The following ARMH4 variants were observed in gnomAD, a reference collection of about 807,000 sequenced individuals.
ARMH4 encodes the protein armadillo-like helical domain-containing protein 4.
ARMH4 carries 49 observed loss-of-function variants against 61.9 expected under a neutral mutation model. That is an observed-to-expected ratio of 0.79 (90% CI 0.63 to 1.00). ARMH4 has a LOEUF of 1.00. Among genes scored for constraint, ARMH4 ranks in the 50% least tolerant of loss-of-function variants. The pLI, the probability that ARMH4 is intolerant of heterozygous loss-of-function variation, is 0.00. For missense variants in ARMH4, 934 were observed against 930.0 expected, an observed-to-expected ratio of 1.00 and a Z score of -0.06; for synonymous variants, 368 against 341.5, an observed-to-expected ratio of 1.08 and a Z score of -0.85.
In ARMH4 at chr14:58,138,868, A is replaced by G. The variant is rs1219047081; in HGVS notation, c.491T>C (p.Leu164Pro). 1.2e-6 allele frequency: 2 copies of G among 1,614,086 alleles called. No homozygotes were observed. Among genetic ancestry groups the G allele is most frequent in the Non-Finnish European group, 1.7e-6 (2 of 1,180,040 alleles). The change falls in exon 2 of 8, where the codon CTT (leucine) becomes CCT (proline). Residue 164 changes from leucine to proline, a missense_variant. Leu to Pro is a moderately conservative substitution (Grantham distance 98, BLOSUM62 -3). Coordinates refer to ENST00000267485, the MANE Select transcript of ARMH4 (RefSeq NM_001001872.4). ...SLTVDEKEEL[L>P]TSTNFQPIVE... ...AATGGGCTGAAAGTTAGTGCTTGTA[A>G]GGAGTTCCTCCTTTTCATCAACAGT...
intron 5 of ARMH4, among the ~76,000 whole-genome samples, chr14:58,090,486 A>C (rs1885519465): frequency 6.6e-6 from 1 of 152,060 alleles, no homozygotes. Flanking sequence ...TCTCCTTGCC[A>C]ACAATTGTTC....
At chr14:58,150,071 C>A (rs1006973354) in intron 1 of ARMH4, among the ~76,000 whole-genome samples, 2 of 152,216 alleles carry the variant, frequency 1.3e-5, no homozygotes, top group African/African-American at 4.8e-5. Context: ...TCTTGATCAA[C>A]AAACTCTTCT....
intron 5 of ARMH4, among the ~76,000 whole-genome samples, chr14:58,040,712 T>C (rs1285087125): frequency 6.6e-6 from 1 of 152,196 alleles, no homozygotes; most frequent in Non-Finnish European, 1.5e-5. Flanking sequence ...ATAAGCACCC[T>C]AAATTGAAAC....
At chr14:58,018,176 G>T (rs1164063153) in intron 5 of ARMH4, among the ~76,000 whole-genome samples, 1 of 152,052 alleles carries the variant, frequency 6.6e-6, no homozygotes, top group Admixed American at 6.5e-5. Flanking sequence ...TCTACTAGAA[G>T]ATAATAAAGG....
chr14:58,006,875 G>A (rs539330663), intron 6 of ARMH4, among the ~76,000 whole-genome samples: 247 of 152,080 alleles, frequency 1.6e-3, no homozygotes, highest in African/African-American at 5.4e-3. Context: ...AAACCTGCAC[G>A]TTGTGCACCT....
At chr14:58,099,080 C>T (rs534395389) in intron 4 of ARMH4, among the ~76,000 whole-genome samples, 28 of 152,164 alleles carry the variant, frequency 1.8e-4, no homozygotes, top group African/African-American at 6.3e-4. Context: ...TGACTGAAAA[C>T]GGGATCTAAA....
intron 5 of ARMH4, among the ~76,000 whole-genome samples, chr14:58,079,125 G>A (rs991610406): frequency 6.6e-6 from 1 of 152,192 alleles, no homozygotes; most frequent in African/African-American, 2.4e-5. Context: ...GAGGAATAAT[G>A]ATAACTACTT....
At chr14:58,102,124 C>G (rs1594757765) in intron 4 of ARMH4, among the ~76,000 whole-genome samples, 1 of 152,150 alleles carries the variant, frequency 6.6e-6, no homozygotes, top group Admixed American at 6.5e-5. Context: ...AGCAGGAGAC[C>G]AGCTCTGCAC....
intron 6 of ARMH4, among the ~76,000 whole-genome samples, chr14:58,007,412 A>T (rs1027330198): frequency 6.6e-6 from 1 of 152,220 alleles, no homozygotes; most frequent in African/African-American, 2.4e-5. Context: ...GTTTTAAAGT[A>T]TACTTTCATT....
intron 5 of ARMH4, among the ~76,000 whole-genome samples, chr14:58,073,145 T>A (rs1314041759): frequency 6.6e-6 from 1 of 152,090 alleles, no homozygotes; most frequent in African/African-American, 2.4e-5. Context: ...AATTCCCACC[T>A]CTTTGGGAAT....
At chr14:58,019,052 A>G (rs938484856) in intron 5 of ARMH4, among the ~76,000 whole-genome samples, 2 of 152,232 alleles carry the variant, frequency 1.3e-5, no homozygotes, top group African/African-American at 2.4e-5. Flanking sequence ...TCTCACTTAT[A>G]TGTAGAATCT....
rs1291222731 is a variant in ARMH4 at position 58,131,517 on chromosome 14, G to C, written c.1826C>G (p.Ser609Cys). 1.4e-5 allele frequency: 22 copies of C among 1,612,644 alleles called. No homozygotes were observed. The highest frequency in any genetic ancestry group is 1.8e-5 in the Non-Finnish European group (21 of 1,178,816). The change falls in exon 4 of 8, where the codon TCT (serine) becomes TGT (cysteine). Residue 609 changes from serine (S) to cysteine (C), a missense_variant. Ser to Cys is a moderately radical substitution (Grantham distance 112). Transcript: ENST00000267485. ...AASYGLDQLESEEGQEDEDEE... is the reference protein window; with the variant it reads ...AASYGLDQLECEEGQEDEDEE... ...CCCCTTCAAAGCATGAATACCTTCA[G>C]ATTCAAGTTGGTCCAGGCCATATGA...
intron 2 of ARMH4, among the ~76,000 whole-genome samples, chr14:58,135,711 A>G (rs1887279754): frequency 2.0e-5 from 3 of 152,128 alleles, no homozygotes; most frequent in African/African-American, 4.8e-5. Context: ...AGGACTGACT[A>G]TCATCTCAAC....
intron 2 of ARMH4, among the ~76,000 whole-genome samples, chr14:58,136,097 T>C (rs1272733003): frequency 1.3e-5 from 2 of 152,198 alleles, no homozygotes; most frequent in African/African-American, 2.4e-5. Context: ...TGTAAATTAA[T>C]TGAAAACATA....
Position 58,004,644 on chromosome 14 carries a change from A to T in ARMH4, c.*92T>A, listed in dbSNP as rs1882092166. On this transcript the variant is annotated 3_prime_UTR_variant, in exon 8 of 8. Coordinates refer to ENST00000267485, the MANE Select transcript of ARMH4 (RefSeq NM_001001872.4). ...CTAGGACTAACGGCCTGATAGCAGC[A>T]ATGTGGCAGGTTGTTCTTTTTTTTT... The T allele has an allele frequency of 9.2e-7, 1 of 1,085,048 alleles. No individual in the cohort carries two copies. Among genetic ancestry groups the T allele is most frequent in the African/African-American group, 1.6e-5 (1 of 63,240 alleles). 67.2% of individuals were successfully genotyped at this position (1,085,048 alleles called of 1,614,324 possible).
chr14:58,080,073 G>A (rs1009291753), intron 5 of ARMH4, among the ~76,000 whole-genome samples: 1 of 151,698 alleles, frequency 6.6e-6, no homozygotes, highest in African/African-American at 2.4e-5. Flanking sequence ...GCTAAGACAA[G>A]GAGATGAGGT....
intron 5 of ARMH4, among the ~76,000 whole-genome samples, chr14:58,025,833 A>G (rs1443585048): frequency 2.0e-5 from 3 of 152,160 alleles, no homozygotes; most frequent in African/African-American, 7.2e-5. Context: ...GAACAGCAAG[A>G]TTCCAATAAA....
rs559653212 is a variant in ARMH4 at position 58,066,084 on chromosome 14, T to C, written c.2089+30640A>G. 9.2e-5 allele frequency among the ~76,000 whole-genome samples: 14 copies of C among 152,356 alleles called. No homozygotes were observed. The South Asian group carries it at 2.7e-3, about 29-fold the overall frequency. ...AGGCCTTGCTCTTCACATTATTTCATCATTAGAAGCTTTTCTTGCCATGTT... is the reference window on the plus strand; with the variant it reads ...AGGCCTTGCTCTTCACATTATTTCACCATTAGAAGCTTTTCTTGCCATGTT... On this transcript the variant is annotated intron_variant, in intron 5 of 7. Coordinates refer to ENST00000267485, the MANE Select transcript of ARMH4 (RefSeq NM_001001872.4).
intron 5 of ARMH4, among the ~76,000 whole-genome samples, chr14:58,088,305 A>T (rs1047699777): frequency 5.3e-5 from 8 of 152,278 alleles, no homozygotes; most frequent in African/African-American, 1.9e-4. Context: ...AAATGGAAAG[A>T]TCTATGAATA....
Sources: gnomAD v4.1 joint callset for allele counts (sites outside exome capture counted in the v4.1 genomes callset) on GRCh38, gnomAD v4.1.1 for gene constraint, MANE v1.5 for transcripts, NCBI Gene and HGNC (gene_info 2026-07-23, HGNC 2026-07-21) for gene names.